The following ANKS1B variants were observed in gnomAD, a reference collection of about 807,000 sequenced individuals.
ANKS1B encodes the protein ankyrin repeat and sterile alpha motif domain-containing protein 1B.
A neutral mutation model predicts 148.3 loss-of-function variants in ANKS1B; 36 were observed. The observed-to-expected ratio is 0.24, with a 90% CI of 0.19 to 0.32. The LOEUF (loss-of-function observed/expected upper bound fraction) is 0.32, where lower values mean the gene tolerates loss of function less well. Ranked by LOEUF, ANKS1B falls within the 10% of genes least tolerant of loss-of-function variation. The probability of loss-of-function intolerance (pLI) is 1.00; values close to 1 mark genes in which losing one functional copy is unlikely to be tolerated. For missense variants in ANKS1B, 1,157 were observed against 1,542.6 expected, an observed-to-expected ratio of 0.75 and a Z score of 4.19; for synonymous variants, 542 against 560.8, an observed-to-expected ratio of 0.97 and a Z score of 0.47.
At chr12:99,342,207 G>C (rs996513569) in intron 12 of ANKS1B, among the ~76,000 whole-genome samples, 1 of 151,998 alleles carries the variant, frequency 6.6e-6, no homozygotes, top group Non-Finnish European at 1.5e-5. Context: ...ATGAAAATAA[G>C]AGAGCATTTA....
rs193163338 is a variant in ANKS1B at position 99,413,746 on chromosome 12, A to T, written c.1576-13935T>A. On this transcript the variant is annotated intron_variant, in intron 11 of 26. Transcript: ENST00000683438. ...ACTCATCTTCTATTTAAAAAGACAA[A>T]TTATAAAACAGACTGTAGGGACTCT... 2.0e-5 allele frequency among the ~76,000 whole-genome samples: 3 copies of T among 152,306 alleles called. No homozygotes were observed. In the East Asian group the frequency reaches 5.8e-4, roughly 29 times the overall value.
intron 10 of ANKS1B, among the ~76,000 whole-genome samples, chr12:99,477,066 G>C (rs183665201): frequency 2.0e-5 from 3 of 152,292 alleles, no homozygotes; most frequent in Admixed American, 1.3e-4. Flanking sequence ...CAGACAGCAG[G>C]AGAGAGCTAA....
intron 17 of ANKS1B, among the ~76,000 whole-genome samples, chr12:98,920,075 T>C (rs190640184): frequency 1.8e-4 from 28 of 152,336 alleles, no homozygotes; most frequent in Non-Finnish European, 2.8e-4. Flanking sequence ...GGAGGCCAGA[T>C]ATTCAAGATG....
intron 25 of ANKS1B, among the ~76,000 whole-genome samples, chr12:98,756,586 C>A (rs2098249855): frequency 6.7e-6 from 1 of 150,146 alleles, no homozygotes; most frequent in Non-Finnish European, 1.5e-5. Flanking sequence ...ATTAGCCAGG[C>A]TTTGTGGCAG....
intron 1 of ANKS1B, among the ~76,000 whole-genome samples, chr12:99,840,895 C>T (rs2085629366): frequency 6.6e-6 from 1 of 152,120 alleles, no homozygotes; most frequent in African/African-American, 2.4e-5. Flanking sequence ...TGGTAGGGCA[C>T]CACCATTTAG....
chr12:99,483,670 A>G (rs148956289), intron 10 of ANKS1B, among the ~76,000 whole-genome samples: 1 of 151,878 alleles, frequency 6.6e-6, no homozygotes, highest in East Asian at 1.9e-4. Flanking sequence ...TATGGATTCA[A>G]TCCACTGCTT....
At chr12:99,264,576 A>T (rs942987107) in intron 12 of ANKS1B, among the ~76,000 whole-genome samples, 4 of 152,132 alleles carry the variant, frequency 2.6e-5, no homozygotes, top group Non-Finnish European at 5.9e-5. Flanking sequence ...ATTTGACGTT[A>T]GCATTTTGGA....
At chr12:99,668,832 AT>A (rs1174315331) in intron 8 of ANKS1B, among the ~76,000 whole-genome samples, 14 of 149,836 alleles carry the variant, frequency 9.3e-5, no homozygotes, top group African/African-American at 3.4e-4. Flanking sequence ...TATTTTAGTC[AT>A]TTTTTTCTCT....
intron 12 of ANKS1B, among the ~76,000 whole-genome samples, chr12:99,388,606 ATGCATTTATTATCTCACAGTT>A (rs1484558713): frequency 1.3e-5 from 2 of 152,168 alleles, no homozygotes; most frequent in Non-Finnish European, 2.9e-5. Flanking sequence ...TTACAAGAGC[ATGCATTTATTATCTCACAGTT>A]TACAAGAGTC....
intron 25 of ANKS1B, among the ~76,000 whole-genome samples, chr12:98,770,165 C>A (rs1416531910): frequency 6.6e-6 from 1 of 152,126 alleles, no homozygotes; most frequent in African/African-American, 2.4e-5. Context: ...TGAAAACCTG[C>A]AAGGTAGAAA....
chr12:99,150,359 GAGA>G (rs2074496612), intron 15 of ANKS1B, among the ~76,000 whole-genome samples: 1 of 152,160 alleles, frequency 6.6e-6, no homozygotes, highest in Non-Finnish European at 1.5e-5. Context: ...ATTCTAGAGA[GAGA>G]ATCATGGCAT....
intron 9 of ANKS1B, among the ~76,000 whole-genome samples, chr12:99,556,482 T>A (rs114787325): frequency 0.014 from 2,101 of 152,288 alleles, 45 homozygotes; most frequent in African/African-American, 0.047. Context: ...TGTCTTCTGC[T>A]AACATTGGAA....
chr12:99,237,880 T>C (rs1278424486), intron 14 of ANKS1B, among the ~76,000 whole-genome samples: 1 of 152,196 alleles, frequency 6.6e-6, no homozygotes, highest in Non-Finnish European at 1.5e-5. Context: ...GCCTCCCGAG[T>C]ACCTGGGACT....
intron 4 of ANKS1B, among the ~76,000 whole-genome samples, chr12:99,785,270 T>C (rs2064888944): frequency 6.6e-6 from 1 of 150,878 alleles, no homozygotes; most frequent in Non-Finnish European, 1.5e-5. Context: ...TGTGTGTGTG[T>C]GTGTGTGTGT....
intron 17 of ANKS1B, among the ~76,000 whole-genome samples, chr12:98,934,196 T>G (rs1215030312): frequency 6.6e-6 from 1 of 152,066 alleles, no homozygotes; most frequent in Non-Finnish European, 1.5e-5. Flanking sequence ...TAAGGTCCAG[T>G]TTCATTGCTT....
Position 99,825,408 on chromosome 12 carries a change from C to A in ANKS1B, c.135-19G>T, listed in dbSNP as rs74769703. The A allele has an allele frequency of 7.5e-6, 12 of 1,598,012 alleles. No individual in the cohort carries two copies. Among genetic ancestry groups the A allele is most frequent in the Non-Finnish European group, 1.0e-5 (12 of 1,170,468 alleles). Reference sequence around the variant, plus strand: ...CCAGATGCTGCAAATAAAGCACAAGCGCAGAGTTAACAGTGAAGCCAGATC... The same window carrying A: ...CCAGATGCTGCAAATAAAGCACAAGAGCAGAGTTAACAGTGAAGCCAGATC... On this transcript the variant is annotated intron_variant, in intron 1 of 26. Transcript: ENST00000683438.
Position 99,739,777 on chromosome 12 carries a change from A to G in ANKS1B, c.1128+33145T>C, listed in dbSNP as rs575751277. Among the ~76,000 whole-genome samples, 11 of 152,186 alleles carry G rather than the reference A, an allele frequency of 7.2e-5. No homozygotes were observed. The East Asian group carries it at 1.9e-3, about 27-fold the overall frequency. On this transcript the variant is annotated intron_variant, in intron 8 of 26. Coordinates refer to ENST00000683438, the MANE Select transcript of ANKS1B (RefSeq NM_001352186.2). ...TTCATTCCTCAGATAGTTGATGGCT[A>G]ACTGTTCCACCTGCTTCAGGTCTTT...
chr12:98,876,678 A>G (rs1033180611), intron 17 of ANKS1B, among the ~76,000 whole-genome samples: 1 of 152,232 alleles, frequency 6.6e-6, no homozygotes, highest in Non-Finnish European at 1.5e-5. Context: ...TCTTTTGACA[A>G]TAGGAAGCAT....
At chr12:98,742,581 A>C (rs1217375218), downstream of ANKS1B, among the ~76,000 whole-genome samples, 1 of 152,242 alleles carries the variant, frequency 6.6e-6, no homozygotes, top group African/African-American at 2.4e-5. Flanking sequence ...AGAAACAGTT[A>C]AGTGGAGTTG....
Sources: gnomAD v4.1 joint callset for allele counts (sites outside exome capture counted in the v4.1 genomes callset) on GRCh38, gnomAD v4.1.1 for gene constraint, MANE v1.5 for transcripts, NCBI Gene and HGNC (gene_info 2026-07-23, HGNC 2026-07-21) for gene names.